Variants in LDLRAD4 observed in about 807,000 individuals in gnomAD.
LDLRAD4 encodes the protein low density lipoprotein receptor class A domain containing 4.
LDLRAD4 carries 5 observed loss-of-function variants against 17.0 expected under a neutral mutation model. That is an observed-to-expected ratio of 0.29 (90% CI 0.15 to 0.62). The LOEUF is 0.62. LDLRAD4 is among the 20% of genes least tolerant of loss of function. The pLI is 0.84. For synonymous variants in LDLRAD4, 168 were observed against 171.8 expected (o/e 0.98, Z 0.17); for missense variants, 340 against 424.7 (o/e 0.80, Z 1.75).
At chr18:13,236,084 G>A (rs937675314) in intron 1 of LDLRAD4, among the ~76,000 whole-genome samples, 7 of 152,314 alleles carry the variant, frequency 4.6e-5, no homozygotes, top group Non-Finnish European at 1.0e-4. Context: ...TTTGATGTGT[G>A]TCTTTTTAAG....
chr18:13,643,710 T>C (rs958713458), intron 5 of LDLRAD4, among the ~76,000 whole-genome samples: 3 of 152,256 alleles, frequency 2.0e-5, no homozygotes, highest in South Asian at 2.1e-4. Context: ...GCATGGTTTA[T>C]AAATATCATA....
chr18:13,589,125 G>A (rs990077922), intron 3 of LDLRAD4, among the ~76,000 whole-genome samples: 2 of 151,966 alleles, frequency 1.3e-5, no homozygotes, highest in African/African-American at 4.8e-5. Context: ...GTAGGGATGA[G>A]GTTTTGCTGT....
intron 3 of LDLRAD4, among the ~76,000 whole-genome samples, chr18:13,607,018 T>TA (rs1482109013): frequency 6.6e-6 from 1 of 152,156 alleles, no homozygotes; most frequent in Admixed American, 6.5e-5. Context: ...GTAATCAGGC[T>TA]AAAAAAATCA....
intron 3 of LDLRAD4, among the ~76,000 whole-genome samples, chr18:13,526,911 C>T (rs1189019308): frequency 6.6e-6 from 1 of 152,184 alleles, no homozygotes; most frequent in Non-Finnish European, 1.5e-5. Context: ...CCTTCCCTCA[C>T]TTCCTTCCCT....
chr18:13,518,624 A>C (rs1189655606), intron 3 of LDLRAD4, among the ~76,000 whole-genome samples: 1 of 152,184 alleles, frequency 6.6e-6, no homozygotes, highest in Non-Finnish European at 1.5e-5. Flanking sequence ...AAGTGAGCTT[A>C]TAATTCTTAG....
chr18:13,227,011 A>G (rs887699872), intron 1 of LDLRAD4, among the ~76,000 whole-genome samples: 1 of 152,088 alleles, frequency 6.6e-6, no homozygotes, highest in Non-Finnish European at 1.5e-5. Context: ...AATGATCCCT[A>G]TTGGACCTCA....
At chr18:13,611,942 G>T in intron 3 of LDLRAD4, 2 of 985,448 alleles carry the variant, frequency 2.0e-6, no homozygotes, top group Non-Finnish European at 2.4e-6. Context: ...CCGCAGCCTG[G>T]CTCGCAGCCT....
intron 3 of LDLRAD4, among the ~76,000 whole-genome samples, chr18:13,595,457 G>C (rs2095083866): frequency 6.6e-6 from 1 of 151,968 alleles, no homozygotes; most frequent in African/African-American, 2.4e-5. Flanking sequence ...CCTTTTGGGG[G>C]AGAAATTTCC....
At chr18:13,358,286 TTATC>T (rs143231527) in intron 1 of LDLRAD4, among the ~76,000 whole-genome samples, 2,994 of 152,228 alleles carry the variant, frequency 0.02, 94 homozygotes, top group African/African-American at 0.069. Flanking sequence ...ATGCATCTAT[TTATC>T]TATCTATCTG....
intron 1 of LDLRAD4, among the ~76,000 whole-genome samples, chr18:13,378,501 C>T (rs1263402273): frequency 1.3e-5 from 2 of 152,210 alleles, no homozygotes; most frequent in Admixed American, 1.3e-4. Flanking sequence ...GAACAGCAGA[C>T]AGGACCCTGC....
intron 3 of LDLRAD4, among the ~76,000 whole-genome samples, chr18:13,542,129 G>A (rs1030030196): frequency 6.6e-6 from 1 of 152,192 alleles, no homozygotes. Context: ...TAACAGCAAT[G>A]CAGCTCTCTT....
chr18:13,567,742 C>G (rs889994987), intron 3 of LDLRAD4, among the ~76,000 whole-genome samples: 5 of 99,808 alleles, frequency 5.0e-5, no homozygotes, highest in African/African-American at 1.8e-4. Flanking sequence ...GCTATGAGAA[C>G]TTTTTTTGTT....
chr18:13,238,471 G>C lies in LDLRAD4; in HGVS notation c.-467+19483G>C, dbSNP rs543516665. Among the ~76,000 whole-genome samples, 153 of 152,324 alleles carry C rather than the reference G, an allele frequency of 1.0e-3. 1 individual carries two copies. The highest frequency in any genetic ancestry group is 2.0e-3 in the Admixed American group (30 of 15,300). On this transcript the variant is annotated intron_variant, in intron 1 of 5. Transcript: ENST00000399848. ...GATGCCTTCTTTATTTGGGCTGTCA[G>C]TGTTCACACAAAAGGAAGACTTTTT...
intron 1 of LDLRAD4, among the ~76,000 whole-genome samples, chr18:13,319,233 C>T (rs930799): frequency 0.4 from 60,293 of 152,086 alleles, 13,329 homozygotes; most frequent in African/African-American, 0.6. Flanking sequence ...AATCGATTGT[C>T]GTAATGAACA....
chr18:13,431,615 T>C (rs2090341027), intron 2 of LDLRAD4, among the ~76,000 whole-genome samples: 1 of 152,224 alleles, frequency 6.6e-6, no homozygotes, highest in Admixed American at 6.5e-5. Context: ...TCATAGAATT[T>C]GAGACCCATT....
At chr18:13,463,677 A>G (rs905043572) in intron 3 of LDLRAD4, among the ~76,000 whole-genome samples, 1 of 152,186 alleles carries the variant, frequency 6.6e-6, no homozygotes, top group African/African-American at 2.4e-5. Flanking sequence ...CAGTCACCCA[A>G]CAGCGTATAG....
At chr18:13,586,415 A>AAAAAAAAAAAAAAAAAAG (rs2094935251) in intron 3 of LDLRAD4, among the ~76,000 whole-genome samples, 1 of 147,270 alleles carries the variant, frequency 6.8e-6, no homozygotes, top group African/African-American at 2.5e-5. Flanking sequence ...TCAAAAAAAA[A>AAAAAAAAAAAAAAAAAAG]AAAAAAGAAT....
At chr18:13,586,199 G>A (rs2094930422) in intron 3 of LDLRAD4, among the ~76,000 whole-genome samples, 1 of 151,952 alleles carries the variant, frequency 6.6e-6, no homozygotes, top group Non-Finnish European at 1.5e-5. Context: ...CTTGAGGTCA[G>A]GAGTTCTAGA....
chr18:13,409,061 G>A (rs958773974), intron 2 of LDLRAD4, among the ~76,000 whole-genome samples: 2 of 152,294 alleles, frequency 1.3e-5, no homozygotes, highest in East Asian at 3.9e-4. Context: ...TTGTGTCACA[G>A]CCCACCCCTG....
Sources: gnomAD v4.1 joint callset for allele counts (sites outside exome capture counted in the v4.1 genomes callset) on GRCh38, gnomAD v4.1.1 for gene constraint, MANE v1.5 for transcripts, NCBI Gene and HGNC (gene_info 2026-07-23, HGNC 2026-07-21) for gene names.